CCSER1: variants seen among roughly 807,000 people sequenced by gnomAD.
CCSER1 encodes the protein serine-rich coiled-coil domain-containing protein 1.
A neutral mutation model predicts 82.0 loss-of-function variants in CCSER1; 41 were observed. The ratio of observed to expected loss-of-function variants is 0.50; its 90% CI spans 0.39 to 0.65. The LOEUF (loss-of-function observed/expected upper bound fraction) is 0.65, where lower values mean the gene tolerates loss of function less well. Ranked by LOEUF, CCSER1 falls within the 30% of genes least tolerant of loss-of-function variation. The pLI is 0.00. For synonymous variants in CCSER1, 414 were observed against 383.9 expected, an observed-to-expected ratio of 1.08 and a Z score of -0.92; for missense variants, 1,119 against 1,064.2, an observed-to-expected ratio of 1.05 and a Z score of -0.72.
At chr4:91,538,225 C>T (rs895181047) in intron 10 of CCSER1, among the ~76,000 whole-genome samples, 2 of 151,918 alleles carry the variant, frequency 1.3e-5, no homozygotes, top group Admixed American at 6.6e-5. Flanking sequence ...TTCATAGATA[C>T]TCCAAACTAA....
chr4:91,379,710 A>C (rs1025977875), intron 10 of CCSER1, among the ~76,000 whole-genome samples: 1 of 152,092 alleles, frequency 6.6e-6, no homozygotes, highest in African/African-American at 2.4e-5. Flanking sequence ...TCCTGGATTC[A>C]TTGATTTCTT....
chr4:91,072,442 A>G (rs1721537285), intron 9 of CCSER1, among the ~76,000 whole-genome samples: 1 of 149,836 alleles, frequency 6.7e-6, no homozygotes, highest in Non-Finnish European at 1.5e-5. Context: ...CCAATCATTT[A>G]TTATTTTGCA....
At chr4:90,475,132 A>G (rs1018481206) in intron 5 of CCSER1, among the ~76,000 whole-genome samples, 3 of 152,222 alleles carry the variant, frequency 2.0e-5, no homozygotes, top group African/African-American at 7.2e-5. Context: ...AAATGTCCAC[A>G]ATATAAGTAA....
At chr4:90,973,752 A>G (rs550748541) in intron 9 of CCSER1, among the ~76,000 whole-genome samples, 1 of 151,820 alleles carries the variant, frequency 6.6e-6, no homozygotes, top group South Asian at 2.1e-4. Context: ...AAGCATGGAA[A>G]CAACGTAAAT....
At chr4:91,052,214 A>C (rs760355084) in intron 9 of CCSER1, among the ~76,000 whole-genome samples, 1 of 152,098 alleles carries the variant, frequency 6.6e-6, no homozygotes, top group Non-Finnish European at 1.5e-5. Context: ...TAGAAAGATT[A>C]AAATGGCAGA....
Position 90,883,668 on chromosome 4 carries a change from TAGGAAAAGGC to T in CCSER1, c.2095-39698_2095-39689del, listed in dbSNP as rs565383848. On this transcript the variant is annotated intron_variant, in intron 8 of 10. Transcript: ENST00000509176. ...AGTGGAGAGTGGCAGAGATGTAGCT[TAGGAAAAGGC>T]AGGTGCCAGTTAGCAGAGAGCCTTC... Among the ~76,000 whole-genome samples the T allele has an allele frequency of 3.9e-3, 598 of 152,232 alleles. 2 individuals are homozygous for T. The highest frequency in any genetic ancestry group is 5.4e-3 in the Non-Finnish European group (367 of 68,014).
intron 10 of CCSER1, among the ~76,000 whole-genome samples, chr4:91,275,956 T>G (rs753149134): frequency 7.9e-5 from 12 of 152,118 alleles, no homozygotes; most frequent in Admixed American, 1.3e-4. Flanking sequence ...TTTGTCAAAA[T>G]TAGTTAACTA....
intron 9 of CCSER1, among the ~76,000 whole-genome samples, chr4:91,048,024 C>A (rs1452368535): frequency 6.6e-6 from 1 of 151,864 alleles, no homozygotes; most frequent in African/African-American, 2.4e-5. Context: ...CAAAAAAAGT[C>A]CTTACAAGTA....
intron 3 of CCSER1, among the ~76,000 whole-genome samples, chr4:90,319,144 C>T (rs1056638898): frequency 7.2e-5 from 11 of 152,094 alleles, no homozygotes; most frequent in African/African-American, 2.7e-4. Flanking sequence ...CTAACTGAGA[C>T]CCAGCTGCTA....
intron 6 of CCSER1, among the ~76,000 whole-genome samples, chr4:90,695,984 T>A (rs927166960): frequency 2.0e-5 from 3 of 152,212 alleles, no homozygotes; most frequent in Admixed American, 6.6e-5. Context: ...TAAATAAAAA[T>A]TTTTAATGAA....
chr4:90,748,533 G>A (rs186042030), intron 7 of CCSER1, among the ~76,000 whole-genome samples: 100 of 148,522 alleles, frequency 6.7e-4, no homozygotes, highest in Non-Finnish European at 1.3e-3. Context: ...ACGATTTATA[G>A]TCCTTTGGGT....
intron 4 of CCSER1, among the ~76,000 whole-genome samples, chr4:90,410,211 AG>A (rs775726913): frequency 1.4e-4 from 21 of 152,362 alleles, no homozygotes; most frequent in Non-Finnish European, 2.4e-4. Context: ...TGTCAACATT[AG>A]ACAGATCAAT....
chr4:91,257,276 A>G (rs1279842793), intron 10 of CCSER1, among the ~76,000 whole-genome samples: 1 of 152,184 alleles, frequency 6.6e-6, no homozygotes, highest in Non-Finnish European at 1.5e-5. Flanking sequence ...AAAGTAGTCC[A>G]CTAACAAAGT....
At chr4:90,151,152 G>C (rs1726764896) in intron 1 of CCSER1, among the ~76,000 whole-genome samples, 1 of 151,876 alleles carries the variant, frequency 6.6e-6, no homozygotes, top group Admixed American at 6.6e-5. Context: ...TCCAGGCCTG[G>C]AACACTTTCA....
At chr4:90,512,080 C>G (rs1027767801) in intron 5 of CCSER1, among the ~76,000 whole-genome samples, 4 of 152,046 alleles carry the variant, frequency 2.6e-5, no homozygotes, top group African/African-American at 4.8e-5. Flanking sequence ...GGGCAACATA[C>G]ATATTTTTCC....
At chr4:90,149,114 T>G (rs1158212993) in intron 1 of CCSER1, among the ~76,000 whole-genome samples, 1 of 152,166 alleles carries the variant, frequency 6.6e-6, no homozygotes, top group African/African-American at 2.4e-5. Flanking sequence ...CCAGCTACTG[T>G]TCTAAGAATT....
At chr4:91,220,787 T>C (rs780809197) in intron 10 of CCSER1, among the ~76,000 whole-genome samples, 1 of 152,048 alleles carries the variant, frequency 6.6e-6, no homozygotes, top group Non-Finnish European at 1.5e-5. Flanking sequence ...AGAAGGAAAA[T>C]TTAAAAAGAT....
chr4:91,097,218 A>G (rs1383608353), intron 10 of CCSER1, among the ~76,000 whole-genome samples: 1 of 152,222 alleles, frequency 6.6e-6, no homozygotes, highest in Admixed American at 6.5e-5. Context: ...GATGAAGAGA[A>G]CTAATAATTA....
intron 8 of CCSER1, among the ~76,000 whole-genome samples, chr4:90,918,708 A>G (rs1439757737): frequency 8.6e-5 from 13 of 151,720 alleles, no homozygotes. Flanking sequence ...GCCTTTTTAT[A>G]TAGACAAGAT....
Sources: gnomAD v4.1 joint callset for allele counts (sites outside exome capture counted in the v4.1 genomes callset) on GRCh38, gnomAD v4.1.1 for gene constraint, MANE v1.5 for transcripts, NCBI Gene and HGNC (gene_info 2026-07-23, HGNC 2026-07-21) for gene names.